The following INPP4B variants were observed in gnomAD, a reference collection of about 807,000 sequenced individuals.
INPP4B encodes the protein inositol polyphosphate 4-phosphatase type II.
Under a neutral mutation model 122.5 loss-of-function variants are expected in INPP4B, and 55 were observed. The observed-to-expected ratio is 0.45, with a 90% CI of 0.36 to 0.56. The LOEUF is 0.56. Ranked by LOEUF, INPP4B falls within the 20% of genes least tolerant of loss-of-function variation. INPP4B has a pLI of 0.00. For synonymous variants in INPP4B, 403 were observed against 388.7 expected (o/e 1.04, Z -0.43); for missense variants, 1,000 against 1,097.7 (o/e 0.91, Z 1.26).
chr4:142,029,544 T>C, intron 25 of INPP4B: 1 of 985,560 alleles, frequency 1.0e-6, no homozygotes, highest in Non-Finnish European at 1.2e-6. Context: ...AGAAAAGTCC[T>C]CTGAAAGCCA....
At chr4:142,398,430 AT>A (rs1562011332) in intron 7 of INPP4B, among the ~76,000 whole-genome samples, 69 of 113,442 alleles carry the variant, frequency 6.1e-4, no homozygotes, top group African/African-American at 2.1e-3. Context: ...ATATATATAT[AT>A]ATATATATAT....
intron 2 of INPP4B, among the ~76,000 whole-genome samples, chr4:142,574,678 A>G (rs887893623): frequency 6.6e-6 from 1 of 152,116 alleles, no homozygotes; most frequent in Non-Finnish European, 1.5e-5. Flanking sequence ...CTTCTCCTCA[A>G]TAAAGTTTCC....
At chr4:142,369,892 C>T (rs1789163989) in intron 7 of INPP4B, among the ~76,000 whole-genome samples, 1 of 145,898 alleles carries the variant, frequency 6.9e-6, no homozygotes, top group Non-Finnish European at 1.5e-5. Context: ...CACGGTGCCA[C>T]TGCACTCCAG....
At chr4:142,447,942 G>A (rs1813265860) in intron 3 of INPP4B, among the ~76,000 whole-genome samples, 1 of 152,104 alleles carries the variant, frequency 6.6e-6, no homozygotes, top group East Asian at 1.9e-4. Flanking sequence ...GAAGTGGAAG[G>A]TGAAAAAGAC....
chr4:142,088,644 C>G (rs1194529882), intron 23 of INPP4B, among the ~76,000 whole-genome samples: 1 of 152,132 alleles, frequency 6.6e-6, no homozygotes, highest in Non-Finnish European at 1.5e-5. Flanking sequence ...AATGCTTCAA[C>G]TGCCTTTTCA....
At chr4:142,215,886 C>T (rs1348934118) in intron 12 of INPP4B, among the ~76,000 whole-genome samples, 3 of 77,202 alleles carry the variant, frequency 3.9e-5, no homozygotes, top group African/African-American at 1.6e-4. Context: ...GACCAAGACT[C>T]TGTCTCAAAA....
rs1221118839 is a variant in INPP4B at position 142,459,014 on chromosome 4, G to A, written c.-127+3649C>T. On this transcript the variant is annotated intron_variant, in intron 3 of 25. Coordinates refer to ENST00000262992, the MANE Select transcript of INPP4B (RefSeq NM_001101669.3). ...AATTAAGGACTCATTCAAAAAGCCA[G>A]CCTGACTCAGACAACTCATATGGCT... 2.0e-5 allele frequency among the ~76,000 whole-genome samples: 3 copies of A among 152,188 alleles called. No individual in the cohort carries two copies. In the East Asian group the frequency reaches 5.8e-4, roughly 29 times the overall value.
chr4:142,062,448 T>C (rs1761455177), intron 25 of INPP4B, among the ~76,000 whole-genome samples: 1 of 152,058 alleles, frequency 6.6e-6, no homozygotes, highest in African/African-American at 2.4e-5. Flanking sequence ...AATTACTTTA[T>C]TAGGCTGGGT....
intron 3 of INPP4B, among the ~76,000 whole-genome samples, chr4:142,439,633 A>AT (rs1030819846): frequency 1.3e-5 from 2 of 152,230 alleles, no homozygotes; most frequent in Non-Finnish European, 2.9e-5. Flanking sequence ...AGTTTAATCA[A>AT]TTTTTCCTCC....
intron 11 of INPP4B, among the ~76,000 whole-genome samples, chr4:142,248,336 C>CT (rs34309443): frequency 0.81 from 86,345 of 106,442 alleles, 36,209 homozygotes; most frequent in Non-Finnish European, 0.91. Flanking sequence ...CTCTCTCTCT[C>CT]TTTTTTTTTT....
intron 7 of INPP4B, among the ~76,000 whole-genome samples, chr4:142,389,186 A>T (rs997343515): frequency 4.7e-5 from 7 of 150,342 alleles, no homozygotes; most frequent in Non-Finnish European, 8.9e-5. Context: ...GGAGGTGGAG[A>T]TTGCAGTAAG....
At position 142,247,583 on chromosome 4, in the gene INPP4B, G is replaced by C. The variant is rs1729553893; in HGVS notation, c.689-9572C>G. Among the ~76,000 whole-genome samples, 3 of 152,106 alleles carry C rather than the reference G, an allele frequency of 2.0e-5. No homozygotes were observed. In the South Asian group the frequency reaches 6.2e-4, roughly 32 times the overall value. On this transcript the variant is annotated intron_variant, in intron 11 of 25. Transcript: ENST00000262992. The stretch of plus-strand genomic sequence containing the variant: ...GATCTTCTAGTTTATTTGCATAGTG[G>C]TATTTACAGTATTCTCTGATGGTAG...
At chr4:142,127,583 A>C (rs1193265936) in intron 18 of INPP4B, among the ~76,000 whole-genome samples, 2 of 152,160 alleles carry the variant, frequency 1.3e-5, no homozygotes, top group Non-Finnish European at 2.9e-5. Flanking sequence ...CATACTTCTG[A>C]TACTAACAAT....
At chr4:142,293,710 G>A (rs910863666) in intron 9 of INPP4B, among the ~76,000 whole-genome samples, 29 of 152,100 alleles carry the variant, frequency 1.9e-4, no homozygotes, top group African/African-American at 5.6e-4. Context: ...AAATAGCTAC[G>A]CTATGACACA....
At chr4:142,458,706 C>T (rs930428457) in intron 3 of INPP4B, among the ~76,000 whole-genome samples, 5 of 152,084 alleles carry the variant, frequency 3.3e-5, no homozygotes, top group Admixed American at 6.6e-5. Flanking sequence ...GAGTCCCAGT[C>T]GCCACGACTT....
chr4:142,628,927 G>A (rs931979212), intron 2 of INPP4B, among the ~76,000 whole-genome samples: 54 of 151,998 alleles, frequency 3.6e-4, no homozygotes, highest in African/African-American at 1.3e-3. Context: ...ATCCAGTACT[G>A]TGCAGTCAAA....
intron 1 of INPP4B, among the ~76,000 whole-genome samples, chr4:142,779,577 T>C (rs1454671307): frequency 6.6e-6 from 1 of 152,092 alleles, no homozygotes; most frequent in Non-Finnish European, 1.5e-5. Flanking sequence ...CATGGTACAC[T>C]GAGGTCAATA....
intron 7 of INPP4B, among the ~76,000 whole-genome samples, chr4:142,397,219 A>G (rs1799636699): frequency 6.6e-6 from 1 of 152,196 alleles, no homozygotes; most frequent in Admixed American, 6.5e-5. Context: ...TTTGCAAACT[A>G]TGTCACAATG....
At chr4:142,333,220 G>C (rs551194486) in intron 7 of INPP4B, among the ~76,000 whole-genome samples, 49 of 152,178 alleles carry the variant, frequency 3.2e-4, no homozygotes, top group South Asian at 3.1e-3. Flanking sequence ...TCCTTAAAAC[G>C]AGATTGTTGT....
Sources: gnomAD v4.1 joint callset for allele counts (sites outside exome capture counted in the v4.1 genomes callset) on GRCh38, gnomAD v4.1.1 for gene constraint, MANE v1.5 for transcripts, NCBI Gene and HGNC (gene_info 2026-07-23, HGNC 2026-07-21) for gene names.